HDGFL3: variants seen among roughly 807,000 people sequenced by gnomAD.
The protein encoded by HDGFL3 is hepatoma-derived growth factor-related protein 3.
In HDGFL3, 6 loss-of-function variants were observed where a neutral mutation model predicts 27.6. The observed-to-expected ratio is 0.22, with a 90% CI of 0.12 to 0.43. The LOEUF (loss-of-function observed/expected upper bound fraction) is 0.43. HDGFL3 is among the 20% of genes least tolerant of loss of function. The probability of loss-of-function intolerance (pLI) is 1.00; values close to 1 mark genes in which losing one functional copy is unlikely to be tolerated. For synonymous variants in HDGFL3, 88 were observed against 88.9 expected (o/e 0.99, Z 0.05); for missense variants, 207 against 250.1 (o/e 0.83, Z 1.16).
Position 83,127,766 on chromosome 15 carries a change from T to C in HDGFL3, c.*11504A>G. On this transcript the variant is annotated 3_prime_UTR_variant, in exon 6 of 6. Transcript: ENST00000299633. ...ACACACCCAGCATGTGGCATTGTTG[T>C]TTTATTGGACTGTTTCACAATCTCT... is the stretch of plus-strand genomic sequence containing the variant. 3.0e-6 allele frequency: 1 copy of C among 329,400 alleles called. No homozygotes were observed. The highest frequency in any genetic ancestry group is 2.9e-5 in the South Asian group (1 of 34,634). The allele number at this position is 329,400 out of a possible 1,614,324, so 20.4% of individuals were successfully genotyped here. A position where few individuals can be genotyped will look rare whatever the true frequency, so the allele number is the denominator to read the frequency against.
chr15:83,151,020 A>G (rs2036957393), intron 5 of HDGFL3, among the ~76,000 whole-genome samples, 195 bp downstream of exon 5: 1 of 152,216 alleles, frequency 6.6e-6, no homozygotes, highest in South Asian at 2.1e-4. Context: ...ACAGGCAGGT[A>G]TAATTCTCAC....
At chr15:83,151,861 A>G (rs1596549125) in intron 4 of HDGFL3, among the ~76,000 whole-genome samples, 2 of 152,232 alleles carry the variant, frequency 1.3e-5, no homozygotes, top group East Asian at 1.9e-4. Flanking sequence ...ACCCAGAATC[A>G]TCTTGATAAA....
At chr15:83,113,236 G>T in exon 4 of HDGFL3, 1 of 391,704 alleles carries the variant, frequency 2.6e-6, no homozygotes, top group South Asian at 2.6e-5. Context: ...GCTACTAGCA[G>T]TCCCCCCCAC....
At chr15:83,165,792 C>T (rs59484888) in intron 1 of HDGFL3, among the ~76,000 whole-genome samples, 1 of 55,948 alleles carries the variant, frequency 1.8e-5, no homozygotes, top group East Asian at 5.7e-4. Flanking sequence ...AAGAATCCAT[C>T]TCAAAAAAAA....
At chr15:83,127,028 T>C (rs746380498), downstream of HDGFL3, among the ~76,000 whole-genome samples, 2 of 151,902 alleles carry the variant, frequency 1.3e-5, no homozygotes, top group Non-Finnish European at 2.9e-5. Flanking sequence ...CCATCTCTAC[T>C]GAAAAAATAC....
At chr15:83,172,444 T>C (rs1046015246) in intron 1 of HDGFL3, among the ~76,000 whole-genome samples, 4 of 152,206 alleles carry the variant, frequency 2.6e-5, no homozygotes, top group Non-Finnish European at 4.4e-5. Context: ...TAATTACTAA[T>C]AGCCTATGAA....
At chr15:83,161,941 T>G (rs1482145214) in intron 2 of HDGFL3, among the ~76,000 whole-genome samples, 1 of 152,158 alleles carries the variant, frequency 6.6e-6, no homozygotes, top group Non-Finnish European at 1.5e-5. Flanking sequence ...TGGGTTTATG[T>G]TAGAAGCAGA....
chr15:83,198,230 T>C (rs924379385), intron 1 of HDGFL3, among the ~76,000 whole-genome samples: 4 of 152,126 alleles, frequency 2.6e-5, no homozygotes, highest in Non-Finnish European at 4.4e-5. Context: ...CTTTAATTTA[T>C]GTTCGTGTGA....
intron 1 of HDGFL3, chr15:83,169,200 G>T (rs534075217): frequency 1.1e-5 from 5 of 441,808 alleles, no homozygotes; most frequent in South Asian, 6.5e-5. Flanking sequence ...CTCGAGAATT[G>T]AAACAAGACA....
At chr15:83,163,929 G>A (rs1022634248) in intron 2 of HDGFL3, 70 bp downstream of exon 2, 52 of 969,526 alleles carry the variant, frequency 5.4e-5, no homozygotes, top group Admixed American at 1.3e-4. Context: ...TAAGATGTCA[G>A]AGATCATCCA....
chr15:83,160,378 G>A (rs893618146), intron 2 of HDGFL3, among the ~76,000 whole-genome samples: 1 of 151,958 alleles, frequency 6.6e-6, no homozygotes, highest in Non-Finnish European at 1.5e-5. Context: ...ATAGAGACGG[G>A]GTTTCACCAT....
At chr15:83,190,202 T>C (rs1341374881) in intron 1 of HDGFL3, among the ~76,000 whole-genome samples, 1 of 97,098 alleles carries the variant, frequency 1.0e-5, no homozygotes, top group Non-Finnish European at 1.9e-5. Flanking sequence ...AGCTGAACTC[T>C]GTCTCAAAAA....
At position 83,207,682 on chromosome 15, in the gene HDGFL3, CCCG is replaced by C. The variant is rs564306913; in HGVS notation, c.-271_-269del. The C allele has an allele frequency of 0.011, 1,671 of 151,710 alleles. 18 individuals carry two copies. Among genetic ancestry groups the C allele is most frequent in the African/African-American group, 0.032 (1,287 of 40,278 alleles). The allele number at this position is 151,710 out of a possible 1,614,324, so 9.4% of individuals were successfully genotyped here. ...GCCCGCGTCCGGCCGCGCCAAGGTC[CCCG>C]CCGCCGCCGCCGCCGCCGCCGCGCG... On this transcript the variant is annotated 5_prime_UTR_variant, in exon 1 of 6. Transcript: ENST00000299633. The surrounding 1 kb of genome is among the most constrained non-coding windows in gnomAD (Gnocchi z 4.8).
intron 3 of HDGFL3, among the ~76,000 whole-genome samples, chr15:83,121,346 T>G (rs1247515680): frequency 6.6e-6 from 1 of 151,756 alleles, no homozygotes; most frequent in African/African-American, 2.4e-5. Flanking sequence ...CTTCTCAAAG[T>G]GCTGGGATTA....
chr15:83,119,115 G>A (rs970919456), intron 3 of HDGFL3, among the ~76,000 whole-genome samples: 1 of 152,146 alleles, frequency 6.6e-6, no homozygotes, highest in Non-Finnish European at 1.5e-5. Flanking sequence ...CAGTATGTGG[G>A]GAATGAGTGT....
intron 1 of HDGFL3, among the ~76,000 whole-genome samples, chr15:83,183,824 G>A (rs11852408): frequency 0.25 from 37,746 of 151,356 alleles, 5,034 homozygotes; most frequent in African/African-American, 0.34. Flanking sequence ...AGGGTTTCCA[G>A]TTCTAAACCT....
At chr15:83,165,419 T>G (rs1341593717) in intron 1 of HDGFL3, among the ~76,000 whole-genome samples, 1 of 152,184 alleles carries the variant, frequency 6.6e-6, no homozygotes, top group Non-Finnish European at 1.5e-5. Context: ...ACATACCAGT[T>G]GCTTAATAAA....
chr15:83,203,818 T>C (rs1414049857), intron 1 of HDGFL3, among the ~76,000 whole-genome samples: 1 of 151,490 alleles, frequency 6.6e-6, no homozygotes, highest in Admixed American at 6.6e-5. Flanking sequence ...TTATGCTGTA[T>C]ATAGTAGTAA....
chr15:83,173,346 G>C (rs1040673984), intron 1 of HDGFL3, among the ~76,000 whole-genome samples: 5 of 152,154 alleles, frequency 3.3e-5, no homozygotes, highest in African/African-American at 1.2e-4. Context: ...ACTTTGTCCA[G>C]CTATAGGCTA....
Sources: allele counts gnomAD v4.1 joint callset (sites outside exome capture counted in the v4.1 genomes callset), GRCh38; gene constraint gnomAD v4.1.1; non-coding constraint Gnocchi (gnomAD v3.1); transcripts MANE v1.5; gene names NCBI Gene and HGNC (gene_info 2026-07-23, HGNC 2026-07-21).